Variants in FAAH2 observed in about 807,000 individuals in gnomAD.
FAAH2 encodes the protein fatty acid amide hydrolase 2, also known as fatty-acid amide hydrolase 2.
Under a neutral mutation model 36.9 loss-of-function variants are expected in FAAH2, and 60 were observed. The observed-to-expected ratio is 1.63, with a 90% confidence interval of 1.32 to 2.02. The LOEUF is 2.02. Ranked by LOEUF, FAAH2 falls within the 30% of genes most tolerant of loss-of-function variation. FAAH2 has a pLI of 0.00. For missense variants in FAAH2, 689 were observed against 397.5 expected (o/e 1.73, Z -6.23); for synonymous variants, 214 against 143.8 (o/e 1.49, Z -3.49).
intron 2 of FAAH2, among the ~76,000 whole-genome samples, chrX:57,301,018 T>G: frequency 9.0e-6 from 1 of 110,998 alleles, no homozygotes; most frequent in Non-Finnish European, 1.9e-5. Flanking sequence ...TTGGTGGGAC[T>G]GTAAACTAGT....
At chrX:57,204,761 C>T in the FAAH2 span, among the ~76,000 whole-genome samples, 194 of 112,359 alleles carry the variant, frequency 1.7e-3, no homozygotes, top group African/African-American at 5.6e-3. Flanking sequence ...GTCAATAATG[C>T]TAGATTCAAT....
chrX:57,440,150 A>G (rs978071158), intron 8 of FAAH2, among the ~76,000 whole-genome samples: 1 of 111,634 alleles, frequency 9.0e-6, no homozygotes, highest in Non-Finnish European at 1.9e-5. Context: ...AGTCATTGGT[A>G]GCTTAATGGG....
intron 3 of FAAH2, among the ~76,000 whole-genome samples, chrX:57,324,181 T>A (rs1271698257): frequency 2.7e-5 from 3 of 111,825 alleles, no homozygotes; most frequent in Non-Finnish European, 3.8e-5. Context: ...GAGGGCTCTG[T>A]TCTGTTCCAT....
chrX:57,258,244 G>A, the FAAH2 span, among the ~76,000 whole-genome samples: 2 of 110,838 alleles, frequency 1.8e-5, no homozygotes, highest in African/African-American at 6.6e-5. Context: ...ATATCTATAT[G>A]AAAAAAATGA....
At chrX:57,129,150 G>A in the FAAH2 span, among the ~76,000 whole-genome samples, 1 of 111,894 alleles carries the variant, frequency 8.9e-6, no homozygotes, top group Admixed American at 9.5e-5. Context: ...TCAGAAAAGA[G>A]TGAGATCAGA....
the FAAH2 span, among the ~76,000 whole-genome samples, chrX:57,140,417 CAAAAAAAAAA>C: frequency 1.5e-5 from 1 of 64,830 alleles, no homozygotes; most frequent in Non-Finnish European, 2.8e-5. Context: ...CCATCTCTAC[CAAAAAAAAAA>C]AAAAAAAAAA....
At chrX:57,128,010 T>C in the FAAH2 span, among the ~76,000 whole-genome samples, 3 of 112,087 alleles carry the variant, frequency 2.7e-5, no homozygotes, top group South Asian at 1.1e-3. Flanking sequence ...ACACAATGTA[T>C]TCAAAAGTTC....
the FAAH2 span, among the ~76,000 whole-genome samples, chrX:57,177,609 TATATAC>T: frequency 1.7e-3 from 127 of 73,551 alleles, no homozygotes; most frequent in Admixed American, 2.6e-3. Context: ...TATATATATA[TATATAC>T]CTCCAATAAA....
chrX:57,290,198 C>CT (rs767292820), intron 1 of FAAH2: 88,472 of 497,805 alleles, frequency 0.18, 82 homozygotes, highest in Non-Finnish European at 0.19. Context: ...CTAACCCCTG[C>CT]TTTTTTTTTT....
intron 2 of FAAH2, among the ~76,000 whole-genome samples, chrX:57,308,638 T>C (rs1359819815): frequency 8.9e-6 from 1 of 112,042 alleles, no homozygotes; most frequent in African/African-American, 3.2e-5. Context: ...TTTAAAGTAC[T>C]GCCCAATACC....
chrX:57,407,352 G>C (rs944275798), intron 7 of FAAH2, among the ~76,000 whole-genome samples: 1 of 112,033 alleles, frequency 8.9e-6, no homozygotes, highest in Non-Finnish European at 1.9e-5. Context: ...TCACCAACCA[G>C]TGTTCTGCCC....
chrX:57,348,180 T>C (rs1394889077), intron 5 of FAAH2, among the ~76,000 whole-genome samples: 1 of 110,287 alleles, frequency 9.1e-6, no homozygotes, highest in South Asian at 3.9e-4. Context: ...ATCCTGCAGA[T>C]TGCACAACCC....
chrX:57,184,332 C>G, the FAAH2 span, among the ~76,000 whole-genome samples: 1 of 111,777 alleles, frequency 8.9e-6, no homozygotes, highest in Admixed American at 9.5e-5. Context: ...CACCCCCTCT[C>G]CTTTTTAAAA....
At chrX:57,400,336 G>A (rs141989977) in intron 7 of FAAH2, among the ~76,000 whole-genome samples, 194 of 112,283 alleles carry the variant, frequency 1.7e-3, no homozygotes, top group African/African-American at 6.0e-3. Context: ...CCAACCCTTT[G>A]CCACTACATC....
intron 8 of FAAH2, among the ~76,000 whole-genome samples, chrX:57,437,577 A>G (rs2056435493): frequency 9.2e-6 from 1 of 108,777 alleles, no homozygotes; most frequent in African/African-American, 3.3e-5. Flanking sequence ...GCATTTTTTT[A>G]CACCAATAAA....
At chrX:57,358,041 A>T (rs1042788708) in intron 5 of FAAH2, among the ~76,000 whole-genome samples, 3 of 111,436 alleles carry the variant, frequency 2.7e-5, no homozygotes, top group African/African-American at 9.8e-5. Flanking sequence ...TTGCAGGGAC[A>T]TGGATGAATC....
At chrX:57,141,689 T>C in the FAAH2 span, among the ~76,000 whole-genome samples, 1 of 111,952 alleles carries the variant, frequency 8.9e-6, no homozygotes, top group Non-Finnish European at 1.9e-5. Context: ...AATTTACCCA[T>C]TTCTTCTAGG....
upstream of FAAH2, among the ~76,000 whole-genome samples, chrX:57,284,586 T>C (rs373584966): frequency 1.8e-5 from 2 of 111,751 alleles, no homozygotes; most frequent in African/African-American, 6.5e-5. Context: ...AAAGAGAAAA[T>C]AGAATGGCAT....
intron 7 of FAAH2, among the ~76,000 whole-genome samples, chrX:57,398,684 C>T (rs1359390839): frequency 1.8e-5 from 2 of 111,038 alleles, no homozygotes; most frequent in Non-Finnish European, 3.8e-5. Context: ...TCCCTCTGTG[C>T]TCTCAGGTGA....
Sources: gnomAD v4.1 joint callset for allele counts (sites outside exome capture counted in the v4.1 genomes callset) on GRCh38, gnomAD v4.1.1 for gene constraint, MANE v1.5 for transcripts, NCBI Gene and HGNC (gene_info 2026-07-23, HGNC 2026-07-21) for gene names.